The following TESMIN variants were observed in gnomAD, a reference collection of about 807,000 sequenced individuals.
The protein encoded by TESMIN is testis expressed metallothionein like protein, also known as CXC domain containing 2.
A neutral mutation model predicts 47.4 loss-of-function variants in TESMIN; 34 were observed. The observed-to-expected ratio is 0.72, with a 90% CI of 0.55 to 0.96. The LOEUF is 0.96. Among genes scored for constraint, TESMIN ranks in the 40% least tolerant of loss-of-function variants. TESMIN has a pLI of 0.00. For missense variants in TESMIN, 610 were observed against 637.2 expected (o/e 0.96, Z 0.46); for synonymous variants, 278 against 258.9 (o/e 1.07, Z -0.71).
At chr11:68,742,955 C>A (rs1297794656) in intron 4 of TESMIN, among the ~76,000 whole-genome samples, 2 of 152,010 alleles carry the variant, frequency 1.3e-5, no homozygotes, top group Non-Finnish European at 2.9e-5. Flanking sequence ...CGGTTCACTG[C>A]AGCCTTGACC....
At chr11:68,744,777 G>A (rs1946497577) in intron 4 of TESMIN, 2 of 349,526 alleles carry the variant, frequency 5.7e-6, no homozygotes, top group Non-Finnish European at 1.0e-5. Context: ...ATGAGGGACA[G>A]CTATCCAAGA....
Position 68,745,118 on chromosome 11 carries a change from T to C in TESMIN, c.631-7A>G. On this transcript the variant is annotated splice_region_variant and splice_polypyrimidine_tract_variant and intron_variant, in intron 3 of 9. Coordinates refer to ENST00000255087, the MANE Select transcript of TESMIN (RefSeq NM_004923.3). ...CTTTCAATTGGCATATCACCTAAAA[T>C]GAAAAAGAACAATCAGGTTTCATTT... 6.3e-7 allele frequency: 1 copy of C among 1,574,820 alleles called. No homozygotes were observed. Among genetic ancestry groups the C allele is most frequent in the South Asian group, 1.2e-5 (1 of 82,490 alleles).
intron 5 of TESMIN, 66 bp downstream of exon 5, chr11:68,742,252 T>G: frequency 1.0e-6 from 1 of 981,656 alleles, no homozygotes; most frequent in Non-Finnish European, 1.5e-6. Flanking sequence ...ATTCCAACCA[T>G]AACAATCAAA....
At position 68,750,503 on chromosome 11, in the gene TESMIN, T is replaced by A; in HGVS notation, c.158A>T (p.Tyr53Phe). The change falls in exon 2 of 10, where the codon TAC becomes TTC. Residue 53 changes from tyrosine (Y) to phenylalanine (F), a missense_variant. By Grantham distance (22) the Tyr-to-Phe change is conservative. Transcript: ENST00000255087. ...EDEFHVFKEA[Y>F]LGPADPKEPV... ...TTCCTTGGGGTCCGCCGGGCCCAGG[T>A]ACGCTTCTTTGAAGACGTGGAACTC... The A allele has an allele frequency of 1.2e-6, 2 of 1,603,626 alleles. No individual in the cohort carries two copies. Among genetic ancestry groups the A allele is most frequent in the Non-Finnish European group, 1.7e-6 (2 of 1,175,694 alleles).
chr11:68,706,328 T>C (rs565349404), downstream of TESMIN, among the ~76,000 whole-genome samples: 1 of 152,362 alleles, frequency 6.6e-6, no homozygotes, highest in East Asian at 1.9e-4. Context: ...AGGTTGGCTC[T>C]TCCCTCACCT....
intron 9 of TESMIN, among the ~76,000 whole-genome samples, chr11:68,709,223 C>T (rs987479432): frequency 2.0e-5 from 3 of 152,202 alleles, no homozygotes; most frequent in African/African-American, 4.8e-5. Flanking sequence ...CAGAGGATCC[C>T]GGGCTACAGT....
intron 6 of TESMIN, chr11:68,736,205 C>T: frequency 1.0e-6 from 1 of 985,330 alleles, no homozygotes; most frequent in Non-Finnish European, 1.2e-6. Flanking sequence ...TGTCAGAATT[C>T]ACATTTATTA....
In TESMIN at chr11:68,707,932, G is replaced by A; in HGVS notation, c.*376C>T. On this transcript the variant is annotated 3_prime_UTR_variant, in exon 10 of 10. Coordinates refer to ENST00000255087, the MANE Select transcript of TESMIN (RefSeq NM_004923.3). ...GCCTCCAGAGCAACATTCTCTGAGAGGAAGAGTCGACCAGAGTGAGCTCTC... is the reference window on the plus strand; with the variant it reads ...GCCTCCAGAGCAACATTCTCTGAGAAGAAGAGTCGACCAGAGTGAGCTCTC... The A allele has an allele frequency of 2.2e-6, 1 of 461,878 alleles. No homozygotes were observed. Among genetic ancestry groups the A allele is most frequent in the Non-Finnish European group, 4.3e-6 (1 of 231,050 alleles). 28.6% of individuals were successfully genotyped at this position (461,878 alleles called of 1,614,324 possible). A position where few individuals can be genotyped will look rare whatever the true frequency, so the allele number is the denominator to read the frequency against.
chr11:68,720,315 C>A (rs1011500202), intron 6 of TESMIN, among the ~76,000 whole-genome samples: 5 of 152,180 alleles, frequency 3.3e-5, no homozygotes, highest in African/African-American at 1.2e-4. Context: ...ACACTCCAGA[C>A]CCTAAAATCC....
At chr11:68,737,001 G>T in intron 6 of TESMIN, 10 of 985,418 alleles carry the variant, frequency 1.0e-5, no homozygotes, top group Non-Finnish European at 1.2e-5. Context: ...AGTATCAAAT[G>T]TCCTTGAATG....
chr11:68,712,730 G>A (rs2153990732), intron 8 of TESMIN, among the ~76,000 whole-genome samples: 1 of 152,324 alleles, frequency 6.6e-6, no homozygotes, highest in Non-Finnish European at 1.5e-5. Context: ...CTCTCCATTG[G>A]CTTAGGCTGG....
At chr11:68,740,851 C>T (rs749340709) in intron 5 of TESMIN, among the ~76,000 whole-genome samples, 2 of 152,168 alleles carry the variant, frequency 1.3e-5, no homozygotes, top group Non-Finnish European at 1.5e-5. Context: ...TAAACTCCTA[C>T]GCAACATCTT....
At chr11:68,719,534 C>T (rs1443416494) in intron 6 of TESMIN, among the ~76,000 whole-genome samples, 4 of 152,100 alleles carry the variant, frequency 2.6e-5, no homozygotes, top group East Asian at 1.9e-4. Flanking sequence ...ACTGAAAAGC[C>T]GAGGAGTAAT....
chr11:68,708,152 A>G lies in TESMIN; in HGVS notation c.*156T>C. On this transcript the variant is annotated 3_prime_UTR_variant, in exon 10 of 10. Coordinates refer to ENST00000255087, the MANE Select transcript of TESMIN (RefSeq NM_004923.3). ...CTCAGAAAAGGGGGCATGGGTTGCC[A>G]CATCTTCAGAGAGCTCTGAGTAAAC... 1.5e-6 allele frequency: 1 copy of G among 685,420 alleles called. No individual in the cohort carries two copies. Among genetic ancestry groups the G allele is most frequent in the Non-Finnish European group, 2.4e-6 (1 of 410,694 alleles). 42.5% of individuals were successfully genotyped at this position (685,420 alleles called of 1,614,324 possible).
chr11:68,705,879 C>T (rs963840547), downstream of TESMIN, among the ~76,000 whole-genome samples: 3 of 151,966 alleles, frequency 2.0e-5, no homozygotes, highest in Non-Finnish European at 4.4e-5. Flanking sequence ...AAAAATTAGC[C>T]GGGCGTGGTG....
chr11:68,717,300 G>C (rs904629582), intron 6 of TESMIN, among the ~76,000 whole-genome samples: 1 of 152,242 alleles, frequency 6.6e-6, no homozygotes, highest in African/African-American at 2.4e-5. Flanking sequence ...TGGGGCATCT[G>C]CCAGTCCCTA....
intron 9 of TESMIN, 140 bp downstream of exon 9, chr11:68,710,734 G>C: frequency 1.3e-6 from 1 of 782,156 alleles, no homozygotes; most frequent in Non-Finnish European, 2.0e-6. Flanking sequence ...ATGGAGGGAG[G>C]AACGACTTCC....
chr11:68,723,584 C>T (rs1946227507), intron 6 of TESMIN, among the ~76,000 whole-genome samples: 1 of 151,366 alleles, frequency 6.6e-6, no homozygotes, highest in Admixed American at 6.6e-5. Flanking sequence ...AATTAATGTA[C>T]TTCATGAACC....
intron 3 of TESMIN, among the ~76,000 whole-genome samples, chr11:68,745,801 G>A (rs1358107943): frequency 6.6e-6 from 1 of 152,188 alleles, no homozygotes; most frequent in African/African-American, 2.4e-5. Context: ...CGCAAGCCGG[G>A]TGGGTCTGCC....
Sources: gnomAD v4.1 joint callset for allele counts (sites outside exome capture counted in the v4.1 genomes callset) on GRCh38, gnomAD v4.1.1 for gene constraint, MANE v1.5 for transcripts, NCBI Gene and HGNC (gene_info 2026-07-23, HGNC 2026-07-21) for gene names.